The following USP9X variants were observed in gnomAD, a reference collection of about 807,000 sequenced individuals.
USP9X encodes ubiquitin carboxyl-terminal hydrolase 9X.
A neutral mutation model predicts 190.3 loss-of-function variants in USP9X; 7 were observed. That is an observed-to-expected ratio of 0.04 (90% confidence interval 0.02 to 0.07). The LOEUF is 0.07. USP9X is among the 10% of genes least tolerant of loss of function. The probability of loss-of-function intolerance (pLI) is 1.00; values close to 1 mark genes in which losing one functional copy is unlikely to be tolerated. For missense variants in USP9X, 1,010 were observed against 1,916.9 expected, an observed-to-expected ratio of 0.53 and a Z score of 8.83; for synonymous variants, 645 against 659.5, an observed-to-expected ratio of 0.98 and a Z score of 0.34.
intron 5 of USP9X, among the ~76,000 whole-genome samples, chrX:41,135,680 G>C (rs1441762682): frequency 6.3e-5 from 7 of 111,885 alleles, no homozygotes; most frequent in Non-Finnish European, 7.5e-5. Context: ...TCCCAGGCTG[G>C]AGTGTAGTGG....
At chrX:41,184,811 A>T (rs770391484) in intron 23 of USP9X, 136 bp downstream of exon 23, 90 of 542,109 alleles carry the variant, frequency 1.7e-4, no homozygotes, top group Non-Finnish European at 1.9e-4. Context: ...TTTCTTTATG[A>T]TGTTTGTATT....
chrX:41,181,435 CTTTTTTTTT>C lies in USP9X; in HGVS notation c.3149-2542_3149-2534del, dbSNP rs200403625. 1.1e-3 allele frequency among the ~76,000 whole-genome samples: 42 copies of C among 38,566 alleles called. 1 individual carries two copies. The highest frequency in any genetic ancestry group is 7.5e-4 in the Admixed American group (3 of 3,987). The allele number at this position is 38,566 out of a possible 115,157, so 33.5% of individuals were successfully genotyped here. A position where few individuals can be genotyped will look rare whatever the true frequency, so the allele number is the denominator to read the frequency against. ...TACAGGTACACACCACCACACCTGA[CTTTTTTTTT>C]TTTTTTTTTTTTTTTTTTTTGAGAT... is the stretch of plus-strand genomic sequence containing the variant. On this transcript the variant is annotated intron_variant, in intron 21 of 44. Transcript: ENST00000378308.
At position 41,085,895 on chromosome X, in the gene USP9X, G is replaced by A. The variant is rs769913515; in HGVS notation, c.-373G>A. On this transcript the variant is annotated 5_prime_UTR_variant, in exon 1 of 45. Transcript: ENST00000378308. The stretch of plus-strand genomic sequence containing the variant: ...AGGAGGAGGAGGAGGCGGGCGCGGC[G>A]AGGAGCGAGTTCCGGCGCCGGTGTG... 2.9e-4 allele frequency: 87 copies of A among 297,510 alleles called. 2 individuals are homozygous for A. The Admixed American group carries it at 3.8e-3, about 13-fold the overall frequency. 24.5% of individuals were successfully genotyped at this position (297,510 alleles called of 1,213,427 possible).
chrX:41,218,256 C>A lies in USP9X; in HGVS notation c.6210-116C>A, dbSNP rs766168165. 3 of 690,878 alleles carry A rather than the reference C, an allele frequency of 4.3e-6. No individual in the cohort carries two copies. In the African/African-American group the frequency reaches 6.6e-5, roughly 15 times the overall value. 56.9% of individuals were successfully genotyped at this position (690,878 alleles called of 1,213,427 possible). A position where few individuals can be genotyped will look rare whatever the true frequency, so the allele number is the denominator to read the frequency against. On this transcript the variant is annotated intron_variant, in intron 36 of 44. Transcript: ENST00000378308. ...ATTAGAAGCAACCTTTGCTGGTTCT[C>A]TCCAGCAGTAGAGGAAGATCTTTGT...
intron 29 of USP9X, among the ~76,000 whole-genome samples, chrX:41,198,261 A>C (rs919052772): frequency 1.8e-5 from 2 of 112,127 alleles, no homozygotes; most frequent in African/African-American, 6.5e-5. Context: ...AAAGGAGCAA[A>C]CATTTAAAAT....
In USP9X at chrX:41,120,050, T is replaced by A. The variant is rs1443812294; in HGVS notation, c.-158-3421T>A. ...TATGTATTTAAAGAGCTTCTATGTC[T>A]TTAGACTCACCAGTACTTGATAGTA... On this transcript the variant is annotated intron_variant, in intron 1 of 44. Transcript: ENST00000378308. Among the ~76,000 whole-genome samples the A allele has an allele frequency of 2.7e-5, 3 of 112,283 alleles. No individual in the cohort carries two copies. In the Admixed American group the frequency reaches 2.8e-4, roughly 11 times the overall value.
At position 41,226,082 on chromosome X, in the gene USP9X, A is replaced by C. The variant is rs374090171; in HGVS notation, c.7061+945A>C. The stretch of plus-strand genomic sequence containing the variant: ...GCTCTGTATATGTCCACAGATGACG[A>C]AGAAAGCACCTTGATGATTGATTTT... On this transcript the variant is annotated intron_variant, in intron 41 of 44. Coordinates refer to ENST00000378308, the MANE Select transcript of USP9X (RefSeq NM_001039591.3). Among the ~76,000 whole-genome samples, 49 of 111,032 alleles carry C rather than the reference A, an allele frequency of 4.4e-4. No individual in the cohort carries two copies. In the East Asian group the frequency reaches 8.8e-3, roughly 20 times the overall value.
intron 1 of USP9X, among the ~76,000 whole-genome samples, chrX:41,095,780 GTGTT>G (rs2061986149): frequency 9.0e-6 from 1 of 111,525 alleles, no homozygotes; most frequent in Admixed American, 9.5e-5. Flanking sequence ...CATTAGATTT[GTGTT>G]TGTTTTTGAA....
At chrX:41,091,752 G>C (rs1601925063) in intron 1 of USP9X, among the ~76,000 whole-genome samples, 1 of 111,604 alleles carries the variant, frequency 9.0e-6, no homozygotes, top group Non-Finnish European at 1.9e-5. Context: ...GGCTCAAAGA[G>C]GTGAAAGGTG....
At chrX:41,165,162 CTTTTTTCTGGTTGTTGTTG>C (rs1029414224) in intron 15 of USP9X, among the ~76,000 whole-genome samples, 12 of 84,903 alleles carry the variant, frequency 1.4e-4, no homozygotes, top group African/African-American at 4.7e-4. Context: ...GCTGCTAAGT[CTTTTTTCTGGTTGTTGTTG>C]TTGGAGACAG....
chrX:41,108,245 A>G (rs916585187), intron 1 of USP9X, among the ~76,000 whole-genome samples: 2 of 111,486 alleles, frequency 1.8e-5, no homozygotes, highest in Non-Finnish European at 3.8e-5. Flanking sequence ...GATTTTAGCA[A>G]GGCTTTGTGA....
At chrX:41,129,372 T>C (rs1383862770) in intron 3 of USP9X, among the ~76,000 whole-genome samples, 1 of 112,124 alleles carries the variant, frequency 8.9e-6, no homozygotes, top group Non-Finnish European at 1.9e-5. Flanking sequence ...GTTTCCCTCT[T>C]GGAGAGTTTA....
chrX:41,113,043 C>T (rs138555333), intron 1 of USP9X, among the ~76,000 whole-genome samples: 19 of 111,963 alleles, frequency 1.7e-4, no homozygotes, highest in African/African-American at 5.8e-4. Flanking sequence ...TGTCCTTTCT[C>T]ATGCTGTGGT....
At chrX:41,125,571 A>G (rs1428519155) in intron 2 of USP9X, among the ~76,000 whole-genome samples, 2 of 103,431 alleles carry the variant, frequency 1.9e-5, no homozygotes, top group African/African-American at 3.6e-5. Context: ...TTCTGATACC[A>G]CTACCAATGT....
intron 4 of USP9X, among the ~76,000 whole-genome samples, chrX:41,133,837 A>G (rs2062346827): frequency 8.9e-6 from 1 of 112,457 alleles, no homozygotes; most frequent in African/African-American, 3.2e-5. Flanking sequence ...TTATCCATTT[A>G]TCAGTTAACA....
Position 41,141,032 on chromosome X carries a change from A to C in USP9X, c.837A>C (p.Ile279=). Residue 279 remains isoleucine, a synonymous_variant, in exon 8 of 45, where the codon ATA becomes ATC. Transcript: ENST00000378308. The part of the protein sequence containing the change: ...HTVKKYFLPI[I]EMVPQFLENL... ...TGAAAAAGTACTTTCTTCCAATAATAGAAATGGTTCCACAGTTTTTAGAAA... is the reference window on the plus strand; with the variant it reads ...TGAAAAAGTACTTTCTTCCAATAATCGAAATGGTTCCACAGTTTTTAGAAA... 2 of 1,206,623 alleles carry C rather than the reference A, an allele frequency of 1.7e-6. No homozygotes were observed. Among genetic ancestry groups the C allele is most frequent in the Non-Finnish European group, 2.2e-6 (2 of 893,147 alleles).
intron 1 of USP9X, among the ~76,000 whole-genome samples, chrX:41,108,039 T>A (rs749714197): frequency 5.3e-5 from 6 of 112,366 alleles, no homozygotes; most frequent in Non-Finnish European, 1.1e-4. Context: ...CTTCTGTGCA[T>A]GTCTTAAATT....
At chrX:41,152,229 A>G (rs764632097) in intron 13 of USP9X, among the ~76,000 whole-genome samples, 88 of 112,173 alleles carry the variant, frequency 7.8e-4, no homozygotes, top group African/African-American at 2.5e-3. Context: ...TCTCGTTAAC[A>G]ATAATATTTG....
chrX:41,130,473 C>CTTTTTTTTTTTTTTTTT (rs1274142843), intron 3 of USP9X, among the ~76,000 whole-genome samples: 2 of 91,215 alleles, frequency 2.2e-5, no homozygotes, highest in Non-Finnish European at 4.4e-5. Flanking sequence ...TTCTTTTTTT[C>CTTTTTTTTTTTTTTTTT]TTTTTTTTTT....
Sources: gnomAD v4.1 joint callset for allele counts (sites outside exome capture counted in the v4.1 genomes callset) on GRCh38, gnomAD v4.1.1 for gene constraint, MANE v1.5 for transcripts, NCBI Gene and HGNC (gene_info 2026-07-23, HGNC 2026-07-21) for gene names.